Variants in VEPH1 observed in about 807,000 individuals in gnomAD.
VEPH1 encodes ventricular zone-expressed PH domain-containing protein homolog 1.
In VEPH1, 80 loss-of-function variants were observed where a neutral mutation model predicts 85.2. The ratio of observed to expected loss-of-function variants is 0.94; its 90% confidence interval spans 0.78 to 1.13. VEPH1 has a LOEUF of 1.13. Among genes scored for constraint, VEPH1 ranks in the 50% most tolerant of loss-of-function variants. VEPH1 has a pLI of 0.00. For missense variants in VEPH1, 955 were observed against 980.5 expected (o/e 0.97, Z 0.35); for synonymous variants, 297 against 348.0 (o/e 0.85, Z 1.63).
chr3:157,317,091 A>G lies in VEPH1; in HGVS notation c.1846T>C (p.Trp616Arg). Residue 616 changes from tryptophan (W) to arginine (R), a missense_variant, in exon 10 of 14, where the codon TGG becomes CGG. Trp to Arg is a moderately radical substitution (Grantham distance 101, BLOSUM62 -3). Transcript: ENST00000362010. The part of the protein sequence containing the change: ...FILISQEPQP[W>R]IQIMFLFQQS... ...TGAAATAGAAACATGATCTGGATCC[A>G]TGGCTGAGGTTCTTGGCTGATGAGA... 6.2e-7 allele frequency: 1 copy of G among 1,613,608 alleles called. No homozygotes were observed. Among genetic ancestry groups the G allele is most frequent in the Non-Finnish European group, 8.5e-7 (1 of 1,179,738 alleles).
chr3:157,345,694 G>A (rs1724135898), intron 9 of VEPH1, among the ~76,000 whole-genome samples: 1 of 152,270 alleles, frequency 6.6e-6, no homozygotes, highest in East Asian at 1.9e-4. Context: ...ATACCCAAAG[G>A]ATTATAAATC....
chr3:157,484,507 G>A (rs753858689), intron 2 of VEPH1, among the ~76,000 whole-genome samples: 4 of 151,908 alleles, frequency 2.6e-5, no homozygotes, highest in Non-Finnish European at 5.9e-5. Flanking sequence ...ACAAGAACTT[G>A]GATTCAGGAA....
At chr3:157,394,162 G>C (rs1730149684) in intron 6 of VEPH1, among the ~76,000 whole-genome samples, 1 of 152,202 alleles carries the variant, frequency 6.6e-6, no homozygotes, top group South Asian at 2.1e-4. Context: ...GGACTAGCAA[G>C]GAAAGTGTCG....
At chr3:157,343,809 C>T (rs1314771117) in intron 9 of VEPH1, among the ~76,000 whole-genome samples, 2 of 152,188 alleles carry the variant, frequency 1.3e-5, no homozygotes, top group East Asian at 3.9e-4. Context: ...TCCAGCAGCA[C>T]ATCAAAAAGC....
chr3:157,357,513 G>A (rs183039268), intron 9 of VEPH1, among the ~76,000 whole-genome samples: 3 of 149,126 alleles, frequency 2.0e-5, no homozygotes, highest in Admixed American at 1.3e-4. Flanking sequence ...TTTTTTTTGA[G>A]ATAGAGTCTT....
At chr3:157,314,431 AT>A (rs1720522408) in intron 10 of VEPH1, among the ~76,000 whole-genome samples, 1 of 150,356 alleles carries the variant, frequency 6.7e-6, no homozygotes, top group Non-Finnish European at 1.5e-5. Flanking sequence ...ATTTAAAATT[AT>A]TTCATAGTAT....
At chr3:157,434,827 C>T (rs1733426370) in intron 4 of VEPH1, among the ~76,000 whole-genome samples, 1 of 151,910 alleles carries the variant, frequency 6.6e-6, no homozygotes, top group Non-Finnish European at 1.5e-5. Context: ...TATTCGGATG[C>T]CTATGTCCAT....
intron 2 of VEPH1, among the ~76,000 whole-genome samples, chr3:157,471,207 G>C: frequency 6.6e-6 from 1 of 152,196 alleles, no homozygotes; most frequent in East Asian, 1.9e-4. Flanking sequence ...AATAGAGCAG[G>C]AAAGTATTTA....
intron 4 of VEPH1, chr3:157,437,772 G>A: frequency 2.0e-6 from 3 of 1,484,236 alleles, no homozygotes; most frequent in Non-Finnish European, 8.9e-7. Context: ...CGGGCCGCAG[G>A]CTGGCGCGTA....
At chr3:157,330,869 G>C (rs967832762) in intron 9 of VEPH1, among the ~76,000 whole-genome samples, 1 of 152,174 alleles carries the variant, frequency 6.6e-6, no homozygotes, top group African/African-American at 2.4e-5. Context: ...GTCTGGGTTG[G>C]GAATAAACAA....
intron 2 of VEPH1, chr3:157,489,348 T>C (rs948444641): frequency 1.3e-4 from 47 of 360,162 alleles, no homozygotes; most frequent in African/African-American, 6.2e-4. Context: ...AGGACTTTTG[T>C]ACTTAATGGT....
At chr3:157,361,585 C>T (rs918882447) in intron 9 of VEPH1, among the ~76,000 whole-genome samples, 1 of 152,204 alleles carries the variant, frequency 6.6e-6, no homozygotes, top group Non-Finnish European at 1.5e-5. Flanking sequence ...GATGGCAGAT[C>T]ATGCCAGAGT....
chr3:157,362,591 A>G (rs1371342000), intron 9 of VEPH1, among the ~76,000 whole-genome samples: 1 of 152,186 alleles, frequency 6.6e-6, no homozygotes, highest in Non-Finnish European at 1.5e-5. Flanking sequence ...CTCATTCAGT[A>G]GAAACCATAC....
chr3:157,376,284 C>A (rs989156385), intron 7 of VEPH1, among the ~76,000 whole-genome samples: 3 of 152,166 alleles, frequency 2.0e-5, no homozygotes, highest in Non-Finnish European at 4.4e-5. Context: ...CTGATTATAG[C>A]AGCCTCCCTG....
At chr3:157,376,229 CCTA>C (rs1728090028) in intron 7 of VEPH1, among the ~76,000 whole-genome samples, 1 of 152,188 alleles carries the variant, frequency 6.6e-6, no homozygotes, top group Non-Finnish European at 1.5e-5. Context: ...TGCCTAACCT[CCTA>C]CTAAGACCAC....
At chr3:157,456,164 T>C (rs1358081070) in intron 4 of VEPH1, among the ~76,000 whole-genome samples, 2 of 152,238 alleles carry the variant, frequency 1.3e-5, no homozygotes, top group Non-Finnish European at 2.9e-5. Context: ...GCTGCATGTA[T>C]GTCTTCTTTT....
At position 157,460,311 on chromosome 3, in the gene VEPH1, T is replaced by C. The variant is rs1667678214; in HGVS notation, c.399A>G (p.Ala133=). The C allele has an allele frequency of 6.2e-7, 1 of 1,614,156 alleles. No homozygotes were observed. The highest frequency in any genetic ancestry group is 2.2e-5 in the East Asian group (1 of 44,880). ...PPVMALAIPI[A]VKFLHRGNKE... is the part of the protein sequence containing the mutation. ...TGTTGCCTCTGTGGAGGAATTTCAC[T>C]GCAATGGGGATGGCTAATGCCATCA... The change falls in exon 4 of 14, where the codon GCA becomes GCG. Residue 133 remains alanine (A), a synonymous_variant. Transcript: ENST00000362010.
chr3:157,424,602 T>A (rs974922937), intron 5 of VEPH1, among the ~76,000 whole-genome samples: 5 of 152,170 alleles, frequency 3.3e-5, no homozygotes, highest in African/African-American at 1.2e-4. Context: ...CAGATGGAGA[T>A]GAGAAACTTG....
intron 9 of VEPH1, among the ~76,000 whole-genome samples, chr3:157,340,417 G>A (rs148948979): frequency 0.012 from 1,788 of 152,282 alleles, 9 homozygotes; most frequent in Non-Finnish European, 0.021. Context: ...ATGGAGCCTC[G>A]CTCATTGCTA....
Sources: gnomAD v4.1 joint callset for allele counts (sites outside exome capture counted in the v4.1 genomes callset) on GRCh38, gnomAD v4.1.1 for gene constraint, MANE v1.5 for transcripts, NCBI Gene and HGNC (gene_info 2026-07-23, HGNC 2026-07-21) for gene names.